GABRA2: variants seen among roughly 807,000 people sequenced by gnomAD.
GABRA2 encodes the protein gamma-aminobutyric acid type A receptor subunit alpha2.
Under a neutral mutation model 48.7 loss-of-function variants are expected in GABRA2, and 16 were observed. That is an observed-to-expected ratio of 0.33 (90% confidence interval 0.22 to 0.50). The LOEUF is 0.50. GABRA2 is among the 20% of genes least tolerant of loss of function. The pLI, the probability that GABRA2 is intolerant of heterozygous loss-of-function variation, is 0.98. For missense variants in GABRA2, 275 were observed against 535.6 expected (o/e 0.51, Z 4.80); for synonymous variants, 185 against 184.5 (o/e 1.00, Z -0.02).
At chr4:46,312,246 T>C (rs1358706818) in intron 5 of GABRA2, among the ~76,000 whole-genome samples, 2 of 152,094 alleles carry the variant, frequency 1.3e-5, no homozygotes, top group Non-Finnish European at 2.9e-5. Flanking sequence ...TGAAGAATAA[T>C]GAAAAACATC....
intron 8 of GABRA2, among the ~76,000 whole-genome samples, chr4:46,265,171 G>C (rs1407818451): frequency 6.7e-6 from 1 of 149,396 alleles, no homozygotes; most frequent in Non-Finnish European, 1.5e-5. Flanking sequence ...GAGTAGCTGG[G>C]ATTACAGGAG....
rs1199782474 is a variant in GABRA2 at position 46,248,683 on chromosome 4, T to A, written c.*1625A>T. On this transcript the variant is annotated 3_prime_UTR_variant, in exon 10 of 10. Transcript: ENST00000381620. ...CTGATATTTTGCTTATTTCCATAGATACTCCTTTTATTGATTTTATGAACA... is the reference window on the plus strand; with the variant it reads ...CTGATATTTTGCTTATTTCCATAGAAACTCCTTTTATTGATTTTATGAACA... 6.6e-6 allele frequency: 1 copy of A among 151,520 alleles called. No individual in the cohort carries two copies. The allele number at this position is 151,520 out of a possible 1,614,324, so 9.4% of individuals were successfully genotyped here.
chr4:46,250,328 C>T lies in GABRA2; in HGVS notation c.1336G>A (p.Val446Ile), dbSNP rs1714485765. 1.2e-6 allele frequency: 2 copies of T among 1,610,526 alleles called. No individual in the cohort carries two copies. The highest frequency in any genetic ancestry group is 8.5e-7 in the Non-Finnish European group (1 of 1,177,916). Residue 446 changes from valine to isoleucine, a missense_variant, in exon 10 of 10, where the codon GTA (valine) becomes ATA (isoleucine). This residue lies in a region of GABRA2 where 99 missense variants were observed against 124.3 expected (regional missense o/e 0.80). Transcript: ENST00000381620. Reference protein sequence around the residue: ...YWATYLNREPVLGVSP With the variant: ...YWATYLNREPILGVSP ...TCAATTCAAGGACTGACCCCTAATA[C>T]AGGTTCTCTGTTTAAATATGTAGCC...
At chr4:46,333,995 T>A (rs1216902529) in intron 3 of GABRA2, among the ~76,000 whole-genome samples, 1 of 152,156 alleles carries the variant, frequency 6.6e-6, no homozygotes, top group Admixed American at 6.5e-5. Context: ...AAGGCATAGT[T>A]ATAGTGCTCC....
At chr4:46,264,447 A>AT (rs1380707519) in intron 8 of GABRA2, among the ~76,000 whole-genome samples, 2 of 151,264 alleles carry the variant, frequency 1.3e-5, no homozygotes, top group East Asian at 2.0e-4. Context: ...GATTGTTTGC[A>AT]TTTTTTTTCA....
intron 8 of GABRA2, among the ~76,000 whole-genome samples, chr4:46,296,882 G>A (rs990699669): frequency 2.6e-5 from 4 of 152,062 alleles, no homozygotes; most frequent in East Asian, 1.9e-4. Context: ...TCTCATTTTC[G>A]TTTTTCATGC....
chr4:46,281,843 G>A (rs779497077), intron 8 of GABRA2, among the ~76,000 whole-genome samples: 1 of 151,950 alleles, frequency 6.6e-6, no homozygotes, highest in Non-Finnish European at 1.5e-5. Flanking sequence ...GTTAATTAAT[G>A]CCATATTTAT....
Position 46,249,703 on chromosome 4 carries a change from G to A in GABRA2, c.*605C>T, listed in dbSNP as rs184275602. The A allele has an allele frequency of 4.0e-5, 6 of 151,318 alleles. No homozygotes were observed. Among genetic ancestry groups the A allele is most frequent in the Admixed American group, 1.3e-4 (2 of 15,144 alleles). The allele number at this position is 151,318 out of a possible 1,614,324, so 9.4% of individuals were successfully genotyped here. A position where few individuals can be genotyped will look rare whatever the true frequency, so the allele number is the denominator to read the frequency against. The stretch of plus-strand genomic sequence containing the variant: ...TCGTAGGCATAATTAACATCCTTTC[G>A]GGCTGACTCATAATTATTTGAGCTT... On this transcript the variant is annotated 3_prime_UTR_variant, in exon 10 of 10. Coordinates refer to ENST00000381620, the MANE Select transcript of GABRA2 (RefSeq NM_000807.4).
chr4:46,314,530 T>C (rs1728215797), intron 4 of GABRA2, among the ~76,000 whole-genome samples: 1 of 152,070 alleles, frequency 6.6e-6, no homozygotes, highest in African/African-American at 2.4e-5. Context: ...GGGGCATATG[T>C]GCAGGTTTGT....
chr4:46,326,611 T>C (rs1021270353), intron 4 of GABRA2, among the ~76,000 whole-genome samples: 12 of 151,810 alleles, frequency 7.9e-5, no homozygotes, highest in Non-Finnish European at 8.8e-5. Flanking sequence ...CATTTTTTTG[T>C]CCTCTTCCTG....
rs933302631 is a variant in GABRA2 at position 46,247,949 on chromosome 4, T to A, written c.*2359A>T. 2.0e-5 allele frequency among the ~76,000 whole-genome samples: 3 copies of A among 151,238 alleles called. No homozygotes were observed. In the East Asian group the frequency reaches 5.9e-4, roughly 30 times the overall value. On this transcript the variant is annotated 3_prime_UTR_variant, in exon 10 of 10. Coordinates refer to ENST00000381620, the MANE Select transcript of GABRA2 (RefSeq NM_000807.4). ...CACTGAAAAATCTGAACTGCCAGAA[T>A]GTCATTGCACTCAAATAAAATTTTA...
chr4:46,324,674 C>A (rs768695515), intron 4 of GABRA2, among the ~76,000 whole-genome samples: 1 of 151,578 alleles, frequency 6.6e-6, no homozygotes, highest in Non-Finnish European at 1.5e-5. Context: ...TTTTGTCACC[C>A]GGGTAGTGAA....
chr4:46,290,531 T>C (rs893406105), intron 8 of GABRA2, among the ~76,000 whole-genome samples: 9 of 152,138 alleles, frequency 5.9e-5, no homozygotes, highest in Admixed American at 2.6e-4. Flanking sequence ...TGGGATATTA[T>C]TATAAATGAT....
intron 9 of GABRA2, among the ~76,000 whole-genome samples, chr4:46,251,584 T>C (rs965337492): frequency 1.3e-5 from 2 of 151,400 alleles, no homozygotes; most frequent in African/African-American, 4.8e-5. Flanking sequence ...TGAACACCAA[T>C]TCTTTCTCTT....
intron 3 of GABRA2, among the ~76,000 whole-genome samples, chr4:46,339,497 C>T (rs1452202696): frequency 1.3e-5 from 2 of 151,840 alleles, no homozygotes. Flanking sequence ...TAAATTCTTA[C>T]TCTTAGTTCA....
At chr4:46,321,700 G>A (rs1320951566) in intron 4 of GABRA2, among the ~76,000 whole-genome samples, 1 of 151,962 alleles carries the variant, frequency 6.6e-6, no homozygotes, top group Admixed American at 6.6e-5. Context: ...ACTCTTGTAA[G>A]GATGAAGTGA....
chr4:46,298,415 A>T (rs1001321158), intron 8 of GABRA2, among the ~76,000 whole-genome samples: 1 of 151,918 alleles, frequency 6.6e-6, no homozygotes. Context: ...GCATGGGTGT[A>T]TGTGGGCTTT....
chr4:46,270,307 A>G (rs1011726133), intron 8 of GABRA2, among the ~76,000 whole-genome samples: 2 of 151,902 alleles, frequency 1.3e-5, no homozygotes, highest in Non-Finnish European at 2.9e-5. Flanking sequence ...GAAAGATATG[A>G]TTCTCAAATG....
rs1016660443 is a variant in GABRA2, at chr4:46,247,374, T to C, written c.*2934A>G. ...ATTAATTTACATGTTTTATATAGTC[T>C]TTAATTTCAAGTCATTATAAGAATG... On this transcript the variant is annotated 3_prime_UTR_variant, in exon 10 of 10. Coordinates refer to ENST00000381620, the MANE Select transcript of GABRA2 (RefSeq NM_000807.4). Among the ~76,000 whole-genome samples the C allele has an allele frequency of 6.0e-5, 9 of 151,238 alleles. No homozygotes were observed. The highest frequency in any genetic ancestry group is 4.6e-4 in the Admixed American group (7 of 15,106).
Sources: allele counts gnomAD v4.1 joint callset (sites outside exome capture counted in the v4.1 genomes callset), GRCh38; gene constraint gnomAD v4.1.1; regional missense constraint gnomAD v4.1.1; transcripts MANE v1.5; gene names NCBI Gene and HGNC (gene_info 2026-07-23, HGNC 2026-07-21).